The following PCED1A variants were observed in gnomAD, a reference collection of about 807,000 sequenced individuals.
PCED1A encodes PC-esterase domain-containing protein 1A.
Under a neutral mutation model 41.9 loss-of-function variants are expected in PCED1A, and 20 were observed. The observed-to-expected ratio is 0.48, with a 90% CI of 0.34 to 0.69. The LOEUF (loss-of-function observed/expected upper bound fraction) is 0.69. Among genes scored for constraint, PCED1A ranks in the 30% least tolerant of loss-of-function variants. PCED1A has a pLI of 0.01. For missense variants in PCED1A, 498 were observed against 602.1 expected (o/e 0.83, Z 1.81); for synonymous variants, 236 against 241.3 (o/e 0.98, Z 0.20).
At position 2,838,127 on chromosome 20, in the gene PCED1A, A is replaced by C; in HGVS notation, c.841+105T>G. The C allele has an allele frequency of 6.5e-7, 1 of 1,547,650 alleles. No homozygotes were observed. The highest frequency in any genetic ancestry group is 8.8e-7 in the Non-Finnish European group (1 of 1,135,668). On this transcript the variant is annotated intron_variant, in intron 6 of 7. Coordinates refer to ENST00000360652, the MANE Select transcript of PCED1A (RefSeq NM_022760.6). The surrounding 1 kb of genome is among the most constrained non-coding windows in gnomAD (Gnocchi z 5.8). ...ATGCAGAAGCCACAGGAGTCCTTCA[A>C]GGGACCTCTACTTCCCTTGAGTGGC...
At position 2,839,823 on chromosome 20, in the gene PCED1A, T is replaced by A; in HGVS notation, c.90A>T (p.Leu30=). ...HFQASEVQQL[L]HNKFVVILGD... Reference sequence around the variant, plus strand: ...CCAAGATGACCACGAACTTGTTGTGTAGCAGCTGCTGGACTTCCGAGGCCT... The same window carrying A: ...CCAAGATGACCACGAACTTGTTGTGAAGCAGCTGCTGGACTTCCGAGGCCT... Residue 30 remains leucine (L), a synonymous_variant, in exon 2 of 8, where the codon CTA becomes CTT. Coordinates refer to ENST00000360652, the MANE Select transcript of PCED1A (RefSeq NM_022760.6). 1 of 1,614,162 alleles carries A rather than the reference T, an allele frequency of 6.2e-7. No individual in the cohort carries two copies. Among genetic ancestry groups the A allele is most frequent in the South Asian group, 1.1e-5 (1 of 91,080 alleles).
At chr20:2,837,219 GT>G (rs1029242501) in intron 6 of PCED1A, among the ~76,000 whole-genome samples, 4 of 152,184 alleles carry the variant, frequency 2.6e-5, no homozygotes, top group African/African-American at 9.7e-5. Flanking sequence ...AAATGGGGAT[GT>G]TTAACCAAAA....
In PCED1A at chr20:2,838,451, G is replaced by T. The variant is rs1357699304; in HGVS notation, c.622C>A (p.Arg208=). The change falls in exon 6 of 8, where the codon CGG becomes AGG. Residue 208 remains arginine, a synonymous_variant. Transcript: ENST00000360652. The surrounding 1 kb of genome is among the most constrained non-coding windows in gnomAD (Gnocchi z 5.8). ...TAGAAGTTCCCTTCAACCACATCCC[G>T]CCGCAGGGAGCCTGCCAGGGGCTGG... ...ELQPLAGSLR[R]DVVEGNFYSA... 1 of 1,614,208 alleles carries T rather than the reference G, an allele frequency of 6.2e-7. No individual in the cohort carries two copies. Among genetic ancestry groups the T allele is most frequent in the Admixed American group, 1.7e-5 (1 of 60,022 alleles).
chr20:2,838,545 T>G lies in PCED1A; in HGVS notation c.594+51A>C. On this transcript the variant is annotated intron_variant, in intron 5 of 7. Transcript: ENST00000360652. The surrounding 1 kb of genome is among the most constrained non-coding windows in gnomAD (Gnocchi z 5.8). Reference sequence around the variant, plus strand: ...CAGGGTCTGAAAGCAGGGTGTCCTATCTACCAGTCTGCTATCCCATCTCTT... The same window carrying G: ...CAGGGTCTGAAAGCAGGGTGTCCTAGCTACCAGTCTGCTATCCCATCTCTT... 6.2e-7 allele frequency: 1 copy of G among 1,613,964 alleles called. No homozygotes were observed. The highest frequency in any genetic ancestry group is 8.5e-7 in the Non-Finnish European group (1 of 1,179,862).
chr20:2,839,237 C>T lies in PCED1A; in HGVS notation c.159G>A (p.Leu53=), dbSNP rs751337598. The T allele has an allele frequency of 8.7e-6, 14 of 1,613,926 alleles. No individual in the cohort carries two copies. In the South Asian group the frequency reaches 1.5e-4, roughly 18 times the overall value. Residue 53 remains leucine (L), a synonymous_variant, in exon 3 of 8, where the codon TTG becomes TTA. Transcript: ENST00000360652. ...QRAVYKDLVL[L]LQKDSLLTAA... ...CTGTGAGCAGTGAGTCTTTCTGGAG[C>T]AAGAGCACCAGGTCCTTGTACACAG...
rs1035774546 is a variant in PCED1A at position 2,840,469 on chromosome 20, C to T, written c.-280G>A. On this transcript the variant is annotated 5_prime_UTR_variant, in exon 1 of 8. An upstream open reading frame in the 5' UTR loses its in-frame stop. Coordinates refer to ENST00000360652, the MANE Select transcript of PCED1A (RefSeq NM_022760.6). Reference sequence around the variant, plus strand: ...CCTCGGCGCCTCGGGCTGCGACGCTCACAGCTTCCACTTCCGTTCACCCAT... The same window carrying T: ...CCTCGGCGCCTCGGGCTGCGACGCTTACAGCTTCCACTTCCGTTCACCCAT... The T allele has an allele frequency of 2.1e-6, 1 of 472,286 alleles. No individual in the cohort carries two copies. The highest frequency in any genetic ancestry group is 2.1e-5 in the African/African-American group (1 of 47,720). 29.3% of individuals were successfully genotyped at this position (472,286 alleles called of 1,614,324 possible).
chr20:2,836,373 C>T, intron 6 of PCED1A, 59 bp from the exon 7 acceptor site: 1 of 1,408,366 alleles, frequency 7.1e-7, no homozygotes, highest in Non-Finnish European at 1.0e-6. Context: ...TGAACTCTGG[C>T]CATCCACACT....
At chr20:2,837,641 G>T (rs2088857810) in intron 6 of PCED1A, among the ~76,000 whole-genome samples, 1 of 152,092 alleles carries the variant, frequency 6.6e-6, no homozygotes, top group Non-Finnish European at 1.5e-5. Flanking sequence ...GGGGAGTGGG[G>T]CCCTCAGAAG....
Position 2,838,453 on chromosome 20 carries a change from C to T in PCED1A, c.620G>A (p.Arg207Gln), listed in dbSNP as rs747580090. Reference sequence around the variant, plus strand: ...GAAGTTCCCTTCAACCACATCCCGCCGCAGGGAGCCTGCCAGGGGCTGGAG... The same window carrying T: ...GAAGTTCCCTTCAACCACATCCCGCTGCAGGGAGCCTGCCAGGGGCTGGAG... ...PELQPLAGSL[R>Q]RDVVEGNFYS... Residue 207 changes from arginine to glutamine, a missense_variant, in exon 6 of 8, where the codon CGG becomes CAG. Arg to Gln is a conservative substitution (Grantham distance 43, BLOSUM62 1). Coordinates refer to ENST00000360652, the MANE Select transcript of PCED1A (RefSeq NM_022760.6). This position sits in a 1 kb window ranked among gnomAD's most constrained non-coding sequence, Gnocchi z 5.8. 22 of 1,614,122 alleles carry T rather than the reference C, an allele frequency of 1.4e-5. No individual in the cohort carries two copies. Among genetic ancestry groups the T allele is most frequent in the East Asian group, 2.2e-5 (1 of 44,898 alleles).
chr20:2,838,196 G>C lies in PCED1A; in HGVS notation c.841+36C>G. 6.2e-7 allele frequency: 1 copy of C among 1,612,904 alleles called. No individual in the cohort carries two copies. The highest frequency in any genetic ancestry group is 1.8e-4 in the Middle Eastern group (1 of 5,454). On this transcript the variant is annotated intron_variant, in intron 6 of 7. Transcript: ENST00000360652. The surrounding 1 kb of genome is among the most constrained non-coding windows in gnomAD (Gnocchi z 5.8). ...TGAGCCCTGTCCTCTGAGGGCCCCA[G>C]TGCATCACTACCCCCCCACTTATGG...
intron 2 of PCED1A, 45 bp downstream of exon 2, chr20:2,839,744 T>C: frequency 1.2e-6 from 2 of 1,606,804 alleles, no homozygotes; most frequent in South Asian, 2.2e-5. Flanking sequence ...CTGAACGGGC[T>C]GCAAGGTGTG....
chr20:2,840,264 G>A lies in PCED1A; in HGVS notation c.-75C>T. Reference sequence around the variant, plus strand: ...CGCGACCCGGGTATGCCTGCGCACCGCGCGCCTGGCCCGCAGCGGGCTCCT... The same window carrying A: ...CGCGACCCGGGTATGCCTGCGCACCACGCGCCTGGCCCGCAGCGGGCTCCT... On this transcript the variant is annotated 5_prime_UTR_variant, in exon 1 of 8. Transcript: ENST00000360652. 4.1e-6 allele frequency: 1 copy of A among 243,308 alleles called. No homozygotes were observed. The highest frequency in any genetic ancestry group is 7.9e-6 in the Non-Finnish European group (1 of 126,954). The allele number at this position is 243,308 out of a possible 1,614,324, so 15.1% of individuals were successfully genotyped here.
intron 6 of PCED1A, among the ~76,000 whole-genome samples, chr20:2,836,685 C>A (rs1225813455): frequency 1.3e-5 from 2 of 152,236 alleles, no homozygotes; most frequent in Admixed American, 6.5e-5. Context: ...ATCCAAACTT[C>A]CAAAAGGAAT....
intron 6 of PCED1A, 55 bp from the exon 7 acceptor site, chr20:2,836,369 C>T: frequency 6.8e-7 from 1 of 1,463,194 alleles, no homozygotes; most frequent in Non-Finnish European, 9.6e-7. Context: ...GCCCTGAACT[C>T]TGGCCATCCA....
upstream of PCED1A, chr20:2,840,709 G>A: frequency 6.6e-7 from 1 of 1,517,138 alleles, no homozygotes; most frequent in African/African-American, 1.4e-5. Flanking sequence ...AAGCGGAAGT[G>A]CCGGCCTGGA....
At chr20:2,837,702 C>T (rs73083219) in intron 6 of PCED1A, among the ~76,000 whole-genome samples, 3,613 of 152,258 alleles carry the variant, frequency 0.024, 80 homozygotes, top group Non-Finnish European at 0.036. Context: ...CACCAAGCTG[C>T]ACCAGTCACA....
At position 2,838,541 on chromosome 20, in the gene PCED1A, C is replaced by CTG. The variant is rs2088877858; in HGVS notation, c.594+54_594+55insCA. ...GCAGCAGGGTCTGAAAGCAGGGTGT[C>CTG]CTATCTACCAGTCTGCTATCCCATC... is the stretch of plus-strand genomic sequence containing the variant. On this transcript the variant is annotated intron_variant, in intron 5 of 7. Coordinates refer to ENST00000360652, the MANE Select transcript of PCED1A (RefSeq NM_022760.6). This position sits in a 1 kb window ranked among gnomAD's most constrained non-coding sequence, Gnocchi z 5.8. The CTG allele has an allele frequency of 1.2e-6, 2 of 1,613,798 alleles. No individual in the cohort carries two copies. Among genetic ancestry groups the CTG allele is most frequent in the African/African-American group, 2.7e-5 (2 of 74,926 alleles).
chr20:2,836,821 T>C (rs971953494), intron 6 of PCED1A, among the ~76,000 whole-genome samples: 10 of 152,206 alleles, frequency 6.6e-5, no homozygotes, highest in African/African-American at 2.4e-4. Context: ...TCAACAGTCA[T>C]GTGACACTGC....
Position 2,835,596 on chromosome 20 carries a change from C to G in PCED1A, c.1231G>C (p.Val411Leu). ...CGCACATGGTAGGGGCTGTTAGGAA[C>G]ATAGCGTGGCATCCCCCGGTGGACC... is the stretch of plus-strand genomic sequence containing the variant. The part of the protein sequence containing the change: ...PVVHRGMPRY[V>L]PNSPYHVRRM... Residue 411 changes from valine to leucine, a missense_variant, in exon 8 of 8, where the codon GTT (valine) becomes CTT (leucine). By Grantham distance (32) the Val-to-Leu change is conservative (BLOSUM62 1). This residue lies in a region of PCED1A where 245 missense variants were observed against 232.4 expected (regional missense o/e 1.05). Coordinates refer to ENST00000360652, the MANE Select transcript of PCED1A (RefSeq NM_022760.6). The G allele has an allele frequency of 2.5e-6, 4 of 1,613,988 alleles. No individual in the cohort carries two copies. The highest frequency in any genetic ancestry group is 3.4e-6 in the Non-Finnish European group (4 of 1,179,866).
Sources: allele counts gnomAD v4.1 joint callset (sites outside exome capture counted in the v4.1 genomes callset), GRCh38; gene constraint gnomAD v4.1.1; regional missense constraint gnomAD v4.1.1; non-coding constraint Gnocchi (gnomAD v3.1); transcripts MANE v1.5; gene names NCBI Gene and HGNC (gene_info 2026-07-23, HGNC 2026-07-21).